NAV3: variants seen among roughly 807,000 people sequenced by gnomAD.
The protein encoded by NAV3 is pore membrane and/or filament interacting like protein 1.
A neutral mutation model predicts 244.7 loss-of-function variants in NAV3; 87 were observed. The ratio of observed to expected loss-of-function variants is 0.36; its 90% CI spans 0.30 to 0.42. The LOEUF (loss-of-function observed/expected upper bound fraction) is 0.42. Among genes scored for constraint, NAV3 ranks in the 20% least tolerant of loss-of-function variants. The pLI, the probability that NAV3 is intolerant of heterozygous loss-of-function variation, is 1.00. For missense variants in NAV3, 2,663 were observed against 2,893.3 expected (o/e 0.92, Z 1.83); for synonymous variants, 1,126 against 1,042.2 (o/e 1.08, Z -1.55).
intron 5 of NAV3, among the ~76,000 whole-genome samples, chr12:77,980,000 G>A (rs1002465245): frequency 7.9e-5 from 12 of 152,124 alleles, no homozygotes; most frequent in African/African-American, 2.7e-4. Context: ...ATGTAACTAT[G>A]TGTGGGAAAA....
chr12:77,593,511 G>A (rs756671102), intron 2 of NAV3, among the ~76,000 whole-genome samples: 2 of 150,692 alleles, frequency 1.3e-5, no homozygotes, highest in African/African-American at 2.4e-5. Flanking sequence ...GTGCAGTGGC[G>A]CGATCTCGGC....
At position 77,596,435 on chromosome 12, in the gene NAV3, A is replaced by G. The variant is rs147780517; in HGVS notation, c.72+24169A>G. Among the ~76,000 whole-genome samples, 458 of 152,286 alleles carry G rather than the reference A, an allele frequency of 3.0e-3. 2 individuals are homozygous for G. The highest frequency in any genetic ancestry group is 0.011 in the African/African-American group (437 of 41,572). ...TATTTTGCTCATTAACAGTGACACA[A>G]ATACTTAAGGTATATAAAACATGGC... On this transcript the variant is annotated intron_variant, in intron 2 of 8. Coordinates refer to the NAV3 transcript ENST00000550042.
intron 2 of NAV3, among the ~76,000 whole-genome samples, chr12:77,797,444 A>G (rs944915403): frequency 1.3e-5 from 2 of 148,608 alleles, no homozygotes; most frequent in Non-Finnish European, 3.0e-5. Context: ...TTTATTATAT[A>G]TTTTGGGCAA....
intron 2 of NAV3, among the ~76,000 whole-genome samples, 196 bp downstream of exon 2, chr12:77,940,632 A>C (rs1334462612): frequency 6.6e-6 from 1 of 152,206 alleles, no homozygotes; most frequent in Admixed American, 6.5e-5. Flanking sequence ...AATAACTAGA[A>C]CTGTATCTTT....
chr12:78,128,189 C>T (rs1956003543), intron 17 of NAV3, among the ~76,000 whole-genome samples: 1 of 151,110 alleles, frequency 6.6e-6, no homozygotes, highest in African/African-American at 2.4e-5. Flanking sequence ...TCCAGTAAAG[C>T]GAGCACATCT....
At chr12:77,714,960 A>G (rs1876295518) in intron 2 of NAV3, among the ~76,000 whole-genome samples, 2 of 152,102 alleles carry the variant, frequency 1.3e-5, no homozygotes, top group Admixed American at 1.3e-4. Flanking sequence ...ACTTTTCATG[A>G]TTTATTTAAC....
rs778854137 is a variant in NAV3, at chr12:78,122,416, C to T, written c.4226C>T (p.Thr1409Ile). 2 of 1,600,698 alleles carry T rather than the reference C, an allele frequency of 1.2e-6. No homozygotes were observed. Among genetic ancestry groups the T allele is most frequent in the Non-Finnish European group, 1.7e-6 (2 of 1,174,974 alleles). The change falls in exon 16 of 40, where the codon ACT (threonine) becomes ATT (isoleucine). Residue 1409 changes from threonine to isoleucine, a missense_variant. Transcript: ENST00000397909. ...ATGAGAACGGGTAGTGTGAGATCTACTCTCTCAGAAAGGTGAGCTTTCCTG... is the reference window on the plus strand; with the variant it reads ...ATGAGAACGGGTAGTGTGAGATCTATTCTCTCAGAAAGGTGAGCTTTCCTG... ...LLMRTGSVRS[T>I]LSESMQLDRN... is the part of the protein sequence containing the mutation.
intron 2 of NAV3, among the ~76,000 whole-genome samples, chr12:77,588,359 T>C (rs1869735731): frequency 1.3e-5 from 2 of 152,102 alleles, no homozygotes; most frequent in Admixed American, 1.3e-4. Flanking sequence ...GCTCAAGTGA[T>C]CATCCTGCCT....
chr12:77,785,176 T>A (rs568195707), intron 2 of NAV3, among the ~76,000 whole-genome samples: 1 of 152,100 alleles, frequency 6.6e-6, no homozygotes, highest in Non-Finnish European at 1.5e-5. Flanking sequence ...AGCAAACATC[T>A]TGTAGTCCTT....
intron 8 of NAV3, among the ~76,000 whole-genome samples, chr12:78,017,756 C>T (rs930186340): frequency 6.6e-6 from 1 of 152,086 alleles, no homozygotes; most frequent in African/African-American, 2.4e-5. Flanking sequence ...CATGAATCAA[C>T]CCAAATATTT....
intron 1 of NAV3, among the ~76,000 whole-genome samples, chr12:77,854,247 G>A (rs1292804993): frequency 1.3e-5 from 2 of 152,134 alleles, no homozygotes; most frequent in East Asian, 3.8e-4. Context: ...GGCTCCATTA[G>A]TTTCTAGAAC....
intron 12 of NAV3, among the ~76,000 whole-genome samples, chr12:78,115,114 A>T (rs892178752): frequency 3.9e-5 from 6 of 152,212 alleles, no homozygotes; most frequent in Admixed American, 3.9e-4. Flanking sequence ...GAGCAGATAA[A>T]GTATCAGTTC....
intron 5 of NAV3, among the ~76,000 whole-genome samples, chr12:77,979,916 G>A (rs1252885931): frequency 6.6e-6 from 1 of 151,996 alleles, no homozygotes; most frequent in African/African-American, 2.4e-5. Flanking sequence ...GCTTTAACTG[G>A]GTGCTGCAGC....
intron 18 of NAV3, among the ~76,000 whole-genome samples, chr12:78,134,746 C>T (rs961837470): frequency 1.3e-5 from 2 of 151,952 alleles, no homozygotes; most frequent in African/African-American, 4.8e-5. Flanking sequence ...AGAGTGAGAC[C>T]CTGTCTCACA....
At chr12:77,849,798 T>G (rs1877223564) in intron 1 of NAV3, among the ~76,000 whole-genome samples, 1 of 152,200 alleles carries the variant, frequency 6.6e-6, no homozygotes, top group Admixed American at 6.6e-5. Context: ...CAGAGTATAC[T>G]AAGTCTACCT....
intron 2 of NAV3, among the ~76,000 whole-genome samples, chr12:77,617,731 T>G (rs1182088112): frequency 6.6e-6 from 1 of 152,136 alleles, no homozygotes; most frequent in South Asian, 2.1e-4. Flanking sequence ...GTGGGTAAGA[T>G]AGATGAAATT....
At chr12:78,139,798 A>G (rs1245689097) in intron 19 of NAV3, among the ~76,000 whole-genome samples, 2 of 152,316 alleles carry the variant, frequency 1.3e-5, no homozygotes, top group East Asian at 1.9e-4. Flanking sequence ...AGTATGATCA[A>G]CGCATCACAG....
At chr12:77,863,846 C>G (rs2136362294) in intron 1 of NAV3, among the ~76,000 whole-genome samples, 1 of 151,852 alleles carries the variant, frequency 6.6e-6, no homozygotes, top group African/African-American at 2.4e-5. Flanking sequence ...TACTTAAAGA[C>G]AGTTTACTCA....
chr12:78,155,878 C>G (rs1266290599), intron 22 of NAV3, among the ~76,000 whole-genome samples: 3 of 152,010 alleles, frequency 2.0e-5, no homozygotes, highest in Non-Finnish European at 4.4e-5. Context: ...TGTTGAAGTT[C>G]CTTGTAGACT....
Sources: gnomAD v4.1 joint callset for allele counts (sites outside exome capture counted in the v4.1 genomes callset) on GRCh38, gnomAD v4.1.1 for gene constraint, MANE v1.5 for transcripts, NCBI Gene and HGNC (gene_info 2026-07-23, HGNC 2026-07-21) for gene names.